Variants in CPXM2 observed in about 807,000 individuals in gnomAD.
CPXM2 encodes carboxypeptidase X, M14 family member 2.
Under a neutral mutation model 86.1 loss-of-function variants are expected in CPXM2, and 66 were observed. The ratio of observed to expected loss-of-function variants is 0.77; its 90% CI spans 0.63 to 0.94. The LOEUF is 0.94. Ranked by LOEUF, CPXM2 falls within the 40% of genes least tolerant of loss-of-function variation. The probability of loss-of-function intolerance (pLI) is 0.00; values close to 1 mark genes in which losing one functional copy is unlikely to be tolerated. For missense variants in CPXM2, 948 were observed against 1,026.3 expected, an observed-to-expected ratio of 0.92 and a Z score of 1.04; for synonymous variants, 388 against 400.2, an observed-to-expected ratio of 0.97 and a Z score of 0.36.
chr10:123,841,048 G>C (rs941307625), intron 4 of CPXM2, among the ~76,000 whole-genome samples: 3 of 152,244 alleles, frequency 2.0e-5, no homozygotes, highest in African/African-American at 4.8e-5. Flanking sequence ...AGACGGGAGG[G>C]ATCTGAGCTC....
upstream of CPXM2, among the ~76,000 whole-genome samples, chr10:123,940,543 G>C (rs1182860130): frequency 6.6e-6 from 1 of 152,096 alleles, no homozygotes; most frequent in African/African-American, 2.4e-5. Context: ...TCTGTGTGTG[G>C]GCCTTGGCTC....
chr10:123,939,501 G>C (rs904351292), exon 2 of CPXM2: 1 of 152,224 alleles, frequency 6.6e-6, no homozygotes, highest in African/African-American at 2.4e-5. Context: ...TGGGCAAGTT[G>C]TTGAACTGCC....
intron 9 of CPXM2, 134 bp downstream of exon 9, chr10:123,768,391 AT>A (rs1397555035): frequency 9.7e-5 from 16 of 165,558 alleles, no homozygotes; most frequent in Non-Finnish European, 1.6e-4. Context: ...AAATAAATAA[AT>A]AAATAAATAA....
intron 11 of CPXM2, among the ~76,000 whole-genome samples, chr10:123,761,421 C>T (rs1168814051): frequency 1.3e-5 from 2 of 152,174 alleles, no homozygotes. Flanking sequence ...ATAGCTCTTA[C>T]AGCTAAGATA....
chr10:123,751,451 G>A (rs757968293), intron 13 of CPXM2: 49 of 950,122 alleles, frequency 5.2e-5, no homozygotes, highest in South Asian at 9.7e-5. Context: ...GAAGGTTTGC[G>A]TCTTTCCTTA....
intron 3 of CPXM2, among the ~76,000 whole-genome samples, chr10:123,857,461 G>A (rs1479520488): frequency 1.3e-5 from 2 of 151,960 alleles, no homozygotes; most frequent in African/African-American, 2.4e-5. Context: ...ACGTTGAGTT[G>A]CTCAAAACAG....
chr10:123,886,449 G>T (rs1169151632), intron 1 of CPXM2, among the ~76,000 whole-genome samples: 2 of 152,166 alleles, frequency 1.3e-5, no homozygotes, highest in Admixed American at 1.3e-4. Context: ...TATGCTCAAA[G>T]AACAACTCTT....
intron 11 of CPXM2, among the ~76,000 whole-genome samples, chr10:123,757,794 G>A (rs1846248536): frequency 6.6e-6 from 1 of 152,132 alleles, no homozygotes; most frequent in African/African-American, 2.4e-5. Flanking sequence ...TCCAAAAACT[G>A]CGATCCTTAA....
upstream of CPXM2, among the ~76,000 whole-genome samples, chr10:123,896,022 C>T (rs982549108): frequency 2.0e-5 from 3 of 152,202 alleles, no homozygotes; most frequent in African/African-American, 4.8e-5. Flanking sequence ...ACACCTTACA[C>T]GGCTAATAAT....
intron 10 of CPXM2, 131 bp from the exon 11 acceptor site, chr10:123,762,300 C>G: frequency 7.8e-7 from 1 of 1,284,982 alleles, no homozygotes. Flanking sequence ...AATTTCAAAA[C>G]CAATTCTGGG....
chr10:123,932,267 C>A (rs1357957355), intron 2 of CPXM2, among the ~76,000 whole-genome samples: 1 of 152,104 alleles, frequency 6.6e-6, no homozygotes, highest in Non-Finnish European at 1.5e-5. Flanking sequence ...TGGTGCCTGT[C>A]TCTAGAATCC....
intron 2 of CPXM2, among the ~76,000 whole-genome samples, chr10:123,871,714 T>C (rs1313824464): frequency 6.6e-6 from 1 of 152,196 alleles, no homozygotes; most frequent in African/African-American, 2.4e-5. Flanking sequence ...AAAATATTGA[T>C]GATTGGTCTA....
chr10:123,767,112 T>C lies in CPXM2; in HGVS notation c.1340A>G (p.His447Arg), dbSNP rs1846496937. 6.2e-7 allele frequency: 1 copy of C among 1,614,052 alleles called. No homozygotes were observed. The highest frequency in any genetic ancestry group is 8.5e-7 in the Non-Finnish European group (1 of 1,180,046). The change falls in exon 10 of 14, where the codon CAC becomes CGC. Residue 447 changes from histidine to arginine, a missense_variant. Transcript: ENST00000241305. ...LGGWSLGRWTHDGIDINNNFP... is the reference protein window; with the variant it reads ...LGGWSLGRWTRDGIDINNNFP... ...GTTGTTGTTGATGTCAATTCCATCG[T>C]GGGTCCAGCGTCCCAGGGACCAGCC...
In CPXM2 at chr10:123,757,798, T is replaced by A. The variant is rs137903663; in HGVS notation, c.1778-446A>T. Among the ~76,000 whole-genome samples, 34 of 152,308 alleles carry A rather than the reference T, an allele frequency of 2.2e-4. No homozygotes were observed. The East Asian group carries it at 6.2e-3, about 28-fold the overall frequency. On this transcript the variant is annotated intron_variant, in intron 11 of 13. Coordinates refer to ENST00000241305, the MANE Select transcript of CPXM2 (RefSeq NM_198148.3). ...TCTATTTTGATTCCAAAAACTGCGA[T>A]CCTTAACCACTGTTTGCCAAGTGCC...
At chr10:123,923,205 G>A (rs1313837562) in intron 2 of CPXM2, among the ~76,000 whole-genome samples, 1 of 152,152 alleles carries the variant, frequency 6.6e-6, no homozygotes, top group African/African-American at 2.4e-5. Context: ...AGAAAAAGTG[G>A]AGCGACCATG....
intron 10 of CPXM2, 30 bp from the exon 11 acceptor site, chr10:123,762,199 T>A: frequency 6.2e-7 from 1 of 1,613,880 alleles, no homozygotes; most frequent in Admixed American, 1.7e-5. Flanking sequence ...ACGAGTAAAA[T>A]AAGCAGGAAG....
intron 11 of CPXM2, among the ~76,000 whole-genome samples, chr10:123,757,966 G>A (rs1846250932): frequency 6.6e-6 from 1 of 152,106 alleles, no homozygotes; most frequent in South Asian, 2.1e-4. Context: ...TAGTACCCAG[G>A]ACCTTGTATG....
At chr10:123,911,101 C>T (rs560624376) in intron 2 of CPXM2, among the ~76,000 whole-genome samples, 2 of 152,328 alleles carry the variant, frequency 1.3e-5, no homozygotes, top group Middle Eastern at 3.4e-3. Context: ...TGCAAAGACC[C>T]TATTTCCATA....
chr10:123,756,332 C>T (rs1896374), intron 12 of CPXM2, among the ~76,000 whole-genome samples: 138,771 of 152,264 alleles, frequency 0.91, 63,550 homozygotes, highest in Non-Finnish European at 0.95. Flanking sequence ...GGCCCGGATA[C>T]TGTTTGGTTA....
Sources: allele counts gnomAD v4.1 joint callset (sites outside exome capture counted in the v4.1 genomes callset), GRCh38; gene constraint gnomAD v4.1.1; transcripts MANE v1.5; gene names NCBI Gene and HGNC (gene_info 2026-07-23, HGNC 2026-07-21).